Variants in PARP11 observed in about 807,000 individuals in gnomAD.
PARP11 encodes poly(ADP-ribose) polymerase family member 11.
A neutral mutation model predicts 42.9 loss-of-function variants in PARP11; 31 were observed. The ratio of observed to expected loss-of-function variants is 0.72; its 90% CI spans 0.54 to 0.98. The LOEUF is 0.98. PARP11 is among the 50% of genes least tolerant of loss of function. The pLI is 0.00. For missense variants in PARP11, 365 were observed against 413.1 expected (o/e 0.88, Z 1.01); for synonymous variants, 137 against 127.3 (o/e 1.08, Z -0.51).
intron 1 of PARP11, among the ~76,000 whole-genome samples, chr12:3,838,049 A>G (rs1947802576): frequency 6.7e-6 from 1 of 149,472 alleles, no homozygotes; most frequent in African/African-American, 2.5e-5. Context: ...CCAGAAAATC[A>G]ACAACAACAA....
intron 1 of PARP11, chr12:3,841,969 G>A: frequency 1.2e-6 from 2 of 1,610,596 alleles, no homozygotes; most frequent in African/African-American, 1.3e-5. Context: ...CAGTAAGCCA[G>A]ACGAAGGCCG....
chr12:3,840,466 C>T lies in PARP11; in HGVS notation c.19-10448G>A, dbSNP rs1049450290. 2.4e-5 allele frequency: 38 copies of T among 1,612,654 alleles called. No individual in the cohort carries two copies. Among genetic ancestry groups the T allele is most frequent in the African/African-American group, 6.7e-5 (5 of 74,884 alleles). ...GCAGCATCCTTCAGGAGTAAGACAA[C>T]GTGAGTTCTCTAGTCATTCTTCAGG... On this transcript the variant is annotated intron_variant, in intron 1 of 7. Transcript: ENST00000228820. This position sits in a 1 kb window ranked among gnomAD's most constrained non-coding sequence, Gnocchi z 4.4.
chr12:3,821,062 T>C (rs1947381235), intron 6 of PARP11, among the ~76,000 whole-genome samples: 2 of 152,156 alleles, frequency 1.3e-5, no homozygotes, highest in South Asian at 2.1e-4. Context: ...AAAAAGGAGA[T>C]AGTTTATGTG....
intron 1 of PARP11, among the ~76,000 whole-genome samples, chr12:3,866,107 AAAAC>A (rs200533980): frequency 0.011 from 1,709 of 152,178 alleles, 22 homozygotes; most frequent in African/African-American, 0.038. Flanking sequence ...TCATCACTTA[AAAAC>A]AAACAAACAA....
chr12:3,825,034 A>G (rs1193778758), intron 4 of PARP11, among the ~76,000 whole-genome samples: 2 of 152,202 alleles, frequency 1.3e-5, no homozygotes, highest in Admixed American at 6.5e-5. Context: ...GAAACTTAAA[A>G]TATTTCTTTC....
intron 1 of PARP11, among the ~76,000 whole-genome samples, chr12:3,858,745 T>G (rs1948238020): frequency 6.6e-6 from 1 of 152,088 alleles, no homozygotes; most frequent in Non-Finnish European, 1.5e-5. Context: ...AACACATTAT[T>G]TTTTCACTGT....
intron 3 of PARP11, 83 bp downstream of exon 3, chr12:3,828,827 T>C: frequency 4.9e-6 from 6 of 1,215,864 alleles, no homozygotes; most frequent in Non-Finnish European, 7.0e-6. Context: ...TGCAAATATA[T>C]CAACTAATCC....
chr12:3,828,433 C>T (rs1947572599), intron 3 of PARP11, among the ~76,000 whole-genome samples: 1 of 151,218 alleles, frequency 6.6e-6, no homozygotes, highest in African/African-American at 2.4e-5. Context: ...CCTGTAATCC[C>T]AGCTACTCGG....
At chr12:3,839,158 C>CGCCGCCGCCTGCCGCCT (rs1947832873) in intron 1 of PARP11, among the ~76,000 whole-genome samples, 1 of 149,210 alleles carries the variant, frequency 6.7e-6, no homozygotes, top group South Asian at 2.1e-4. Context: ...CTCGGGCCGC[C>CGCCGCCGCCTGCCGCCT]GCCGCCGCCT....
At chr12:3,851,222 C>T (rs1948090638) in intron 1 of PARP11, among the ~76,000 whole-genome samples, 1 of 152,192 alleles carries the variant, frequency 6.6e-6, no homozygotes, top group Admixed American at 6.5e-5. Context: ...TCTGCATTTC[C>T]AACTGAGGTA....
chr12:3,829,981 G>C lies in PARP11; in HGVS notation c.56C>G (p.Thr19Arg). ...FHKAEELFSKTTNNEVDDMDT... is the reference protein window; with the variant it reads ...FHKAEELFSKRTNNEVDDMDT... ...CATGTCATCCACTTCATTGTTTGTT[G>C]TTTTAGAAAATAATTCTTCTGCTTT... The change falls in exon 2 of 8, where the codon ACA becomes AGA. Residue 19 changes from threonine (T) to arginine (R), a missense_variant. Coordinates refer to ENST00000228820, the MANE Select transcript of PARP11 (RefSeq NM_020367.6). The C allele has an allele frequency of 1.2e-6, 2 of 1,613,644 alleles. No homozygotes were observed. Among genetic ancestry groups the C allele is most frequent in the Non-Finnish European group, 1.7e-6 (2 of 1,179,630 alleles).
intron 1 of PARP11, among the ~76,000 whole-genome samples, chr12:3,858,378 G>C (rs1218883670): frequency 2.0e-5 from 3 of 152,164 alleles, no homozygotes; most frequent in Non-Finnish European, 4.4e-5. Flanking sequence ...CATGTGATGA[G>C]ATTACTAAAG....
At chr12:3,838,252 T>C (rs1292954925) in intron 1 of PARP11, among the ~76,000 whole-genome samples, 1 of 151,850 alleles carries the variant, frequency 6.6e-6, no homozygotes, top group Non-Finnish European at 1.5e-5. Context: ...ATCGTATCAC[T>C]TATCTTTTCT....
chr12:3,849,193 C>A (rs1463597302), intron 1 of PARP11, among the ~76,000 whole-genome samples: 1 of 151,910 alleles, frequency 6.6e-6, no homozygotes, highest in Non-Finnish European at 1.5e-5. Context: ...GAAAATGGAA[C>A]CCTCGTTCAC....
intron 1 of PARP11, chr12:3,871,923 A>G (rs1201779568): frequency 6.6e-6 from 1 of 152,208 alleles, no homozygotes; most frequent in East Asian, 1.9e-4. Context: ...TTCGTCCCAG[A>G]AGTGAGTCAC....
chr12:3,839,364 C>A (rs1322186838), intron 1 of PARP11: 14 of 1,540,282 alleles, frequency 9.1e-6, no homozygotes, highest in Non-Finnish European at 1.2e-5. Flanking sequence ...CCCGCGAGGA[C>A]GCGACGCCCA....
intron 1 of PARP11, chr12:3,841,605 G>C (rs1486842013): frequency 6.2e-7 from 1 of 1,613,164 alleles, no homozygotes; most frequent in Admixed American, 1.7e-5. Flanking sequence ...TGTCTTACCA[G>C]GCTGATCTTG....
intron 1 of PARP11, chr12:3,832,011 A>T: frequency 3.4e-6 from 1 of 295,744 alleles, no homozygotes; most frequent in African/African-American, 2.3e-5. Context: ...TATTTGCCTT[A>T]CGAGTTCTAT....
At chr12:3,853,655 AAG>A (rs1346931282) in intron 1 of PARP11, among the ~76,000 whole-genome samples, 1 of 152,180 alleles carries the variant, frequency 6.6e-6, no homozygotes. Context: ...GAGACCTACA[AAG>A]AGACTTAGAT....
Sources: gnomAD v4.1 joint callset for allele counts (sites outside exome capture counted in the v4.1 genomes callset) on GRCh38, gnomAD v4.1.1 for gene constraint, Gnocchi (gnomAD v3.1) non-coding constraint, MANE v1.5 for transcripts, NCBI Gene and HGNC (gene_info 2026-07-23, HGNC 2026-07-21) for gene names.